Variants in RAB37 observed in about 807,000 individuals in gnomAD.
The protein encoded by RAB37 is RAB37, member RAS oncogene family, also known as ras-related protein Rab-37.
A neutral mutation model predicts 33.1 loss-of-function variants in RAB37; 29 were observed. The observed-to-expected ratio is 0.88, with a 90% confidence interval of 0.65 to 1.20. The LOEUF (loss-of-function observed/expected upper bound fraction) is 1.20. RAB37 is among the 50% of genes most tolerant of loss of function. RAB37 has a pLI of 0.00. For synonymous variants in RAB37, 128 were observed against 119.5 expected, an observed-to-expected ratio of 1.07 and a Z score of -0.47; for missense variants, 299 against 301.1, an observed-to-expected ratio of 0.99 and a Z score of 0.05.
At chr17:74,719,801 G>C (rs557294075) in intron 1 of RAB37, among the ~76,000 whole-genome samples, 97 of 152,284 alleles carry the variant, frequency 6.4e-4, no homozygotes, top group African/African-American at 2.2e-3. Context: ...ACAAGTGTGA[G>C]CCACTGTACC....
rs752929825 is a variant in RAB37, at chr17:74,738,569, G to A, written c.93+1204G>A. 5.3e-5 allele frequency among the ~76,000 whole-genome samples: 8 copies of A among 152,316 alleles called. No individual in the cohort carries two copies. The East Asian group carries it at 7.7e-4, about 15-fold the overall frequency. ...CCGAGCTGGGTGGGTAGCTGGCATC[G>A]TTTGCTCAAGGCAGCTGTGATCTGT... On this transcript the variant is annotated intron_variant, in intron 1 of 8. Transcript: ENST00000392613. This position sits in a 1 kb window ranked among gnomAD's most constrained non-coding sequence, Gnocchi z 5.0.
At chr17:74,699,774 T>C (rs2032864255) in intron 1 of RAB37, among the ~76,000 whole-genome samples, 1 of 152,106 alleles carries the variant, frequency 6.6e-6, no homozygotes, top group Non-Finnish European at 1.5e-5. Context: ...CAGGCCCTAC[T>C]GTAGTGGATC....
chr17:74,732,153 C>T (rs1464152852), intron 2 of RAB37, among the ~76,000 whole-genome samples: 2 of 152,186 alleles, frequency 1.3e-5, no homozygotes, highest in South Asian at 2.1e-4. Flanking sequence ...CAGTGGTTTT[C>T]GAACACTCCT....
intron 1 of RAB37, among the ~76,000 whole-genome samples, chr17:74,690,861 C>T (rs770007787): frequency 3.3e-5 from 5 of 152,212 alleles, no homozygotes; most frequent in Non-Finnish European, 5.9e-5. Context: ...GCCACCAATT[C>T]AGAGGGCTAG....
chr17:74,699,581 A>C (rs1169519564), intron 1 of RAB37, among the ~76,000 whole-genome samples: 1 of 152,050 alleles, frequency 6.6e-6, no homozygotes, highest in Non-Finnish European at 1.5e-5. Context: ...GACCGGGAAC[A>C]CAAAGGATCG....
Position 74,704,790 on chromosome 17 carries a change from C to T in RAB37, c.73-24466C>T, listed in dbSNP as rs759901422. The T allele has an allele frequency of 2.0e-5, 32 of 1,613,276 alleles. No individual in the cohort carries two copies. The highest frequency in any genetic ancestry group is 1.6e-4 in the Middle Eastern group (1 of 6,078). On this transcript the variant is annotated intron_variant, in intron 1 of 7. Coordinates refer to the RAB37 transcript ENST00000340415. ...TCCAAGCCATTCACTGTTGTTGGAC[C>T]GGTGATTTGAGTGACAATGGAGTAG...
intron 1 of RAB37, among the ~76,000 whole-genome samples, chr17:74,725,960 G>A (rs574749842): frequency 1.3e-5 from 2 of 152,070 alleles, no homozygotes; most frequent in South Asian, 4.2e-4. Flanking sequence ...GACCTAGCAG[G>A]GCATTGTGGC....
chr17:74,723,100 GC>G (rs2034262602), intron 1 of RAB37, among the ~76,000 whole-genome samples: 1 of 152,160 alleles, frequency 6.6e-6, no homozygotes, highest in South Asian at 2.1e-4. Context: ...TGCGTCTTCC[GC>G]AAAGTTGCAA....
At position 74,745,085 on chromosome 17, in the gene RAB37, G is replaced by A. The variant is rs769242394; in HGVS notation, c.566+1G>A. On this transcript the variant is annotated splice_donor_variant, in intron 8 of 8. Transcript: ENST00000392613. LOFTEE classifies it high-confidence loss of function. The surrounding 1 kb of genome is among the most constrained non-coding windows in gnomAD (Gnocchi z 4.5). Reference sequence around the variant, plus strand: ...AGTTAGCCTTTCTGGCCATCGCCAAGTGAGAGCTGGGCAGGGAAGGGAAGT... The same window carrying A: ...AGTTAGCCTTTCTGGCCATCGCCAAATGAGAGCTGGGCAGGGAAGGGAAGT... 3.1e-6 allele frequency: 5 copies of A among 1,613,948 alleles called. No individual in the cohort carries two copies. The highest frequency in any genetic ancestry group is 1.1e-5 in the South Asian group (1 of 91,082).
chr17:74,682,490 C>G (rs1483574531), intron 1 of RAB37, among the ~76,000 whole-genome samples: 1 of 152,210 alleles, frequency 6.6e-6, no homozygotes, highest in Non-Finnish European at 1.5e-5. Flanking sequence ...GAAATTGCCA[C>G]ATGCCCACCC....
At chr17:74,726,240 A>G (rs2034305779) in intron 1 of RAB37, among the ~76,000 whole-genome samples, 1 of 151,498 alleles carries the variant, frequency 6.6e-6, no homozygotes, top group South Asian at 2.1e-4. Context: ...GCCTAAAAAA[A>G]AAAAAAAAAA....
In RAB37 at chr17:74,745,183, C is replaced by T; in HGVS notation, c.566+99C>T. On this transcript the variant is annotated intron_variant, in intron 8 of 8. Coordinates refer to ENST00000392613, the MANE Select transcript of RAB37 (RefSeq NM_001006638.3). The surrounding 1 kb of genome is among the most constrained non-coding windows in gnomAD (Gnocchi z 4.5). Reference sequence around the variant, plus strand: ...CTGGCCCAGCCCCTGGACACACCTGCATTCTGCAGGCTGAGGTCCATTTGC... The same window carrying T: ...CTGGCCCAGCCCCTGGACACACCTGTATTCTGCAGGCTGAGGTCCATTTGC... The T allele has an allele frequency of 6.5e-7, 1 of 1,537,722 alleles. No individual in the cohort carries two copies. Among genetic ancestry groups the T allele is most frequent in the Admixed American group, 1.7e-5 (1 of 59,148 alleles).
chr17:74,741,607 C>G (rs1363844727), intron 2 of RAB37, among the ~76,000 whole-genome samples: 1 of 131,888 alleles, frequency 7.6e-6, no homozygotes, highest in Non-Finnish European at 1.5e-5. Flanking sequence ...AAAAAAAGAG[C>G]TGGGCTGGCC....
rs1390312566 is a variant in RAB37, at chr17:74,745,588, C to T, written c.*177C>T. 3.4e-5 allele frequency: 20 copies of T among 595,034 alleles called. No individual in the cohort carries two copies. Among genetic ancestry groups the T allele is most frequent in the Admixed American group, 2.1e-4 (7 of 33,060 alleles). The allele number at this position is 595,034 out of a possible 1,614,324, so 36.9% of individuals were successfully genotyped here. ...CCTACTTGAGTTCCTGCGGTCTCCCCGCATCCACAGGGAGGGTAAAACACT... is the reference window on the plus strand; with the variant it reads ...CCTACTTGAGTTCCTGCGGTCTCCCTGCATCCACAGGGAGGGTAAAACACT... On this transcript the variant is annotated 3_prime_UTR_variant, in exon 9 of 9. Coordinates refer to ENST00000392613, the MANE Select transcript of RAB37 (RefSeq NM_001006638.3). The surrounding 1 kb of genome is among the most constrained non-coding windows in gnomAD (Gnocchi z 4.5).
At chr17:74,734,027 G>A (rs1253810112), upstream of RAB37, among the ~76,000 whole-genome samples, 4 of 152,102 alleles carry the variant, frequency 2.6e-5, no homozygotes, top group Non-Finnish European at 5.9e-5. Flanking sequence ...TGGATGATTC[G>A]TGCTAATGTT....
intron 1 of RAB37, chr17:74,712,709 C>T (rs898375564): frequency 1.9e-6 from 2 of 1,054,270 alleles, no homozygotes; most frequent in African/African-American, 1.6e-5. Context: ...GTGGATGAAA[C>T]GCACAAGGCT....
chr17:74,715,019 G>A (rs1223014301), intron 1 of RAB37, among the ~76,000 whole-genome samples: 1 of 152,224 alleles, frequency 6.6e-6, no homozygotes, highest in East Asian at 1.9e-4. Context: ...CTACTCAGGA[G>A]GCTGAAGCAG....
At chr17:74,687,372 C>T (rs1053912908) in intron 1 of RAB37, among the ~76,000 whole-genome samples, 18 of 151,932 alleles carry the variant, frequency 1.2e-4, no homozygotes, top group South Asian at 8.3e-4. Context: ...TACAGGGGCC[C>T]GCCACCACAC....
intron 1 of RAB37, among the ~76,000 whole-genome samples, chr17:74,682,320 CTCTCTG>C (rs1358359298): frequency 6.6e-6 from 1 of 151,086 alleles, no homozygotes; most frequent in African/African-American, 2.5e-5. Context: ...TTCGGCCTCA[CTCTCTG>C]TCTCTCTCTC....
Sources: gnomAD v4.1 joint callset for allele counts (sites outside exome capture counted in the v4.1 genomes callset) on GRCh38, gnomAD v4.1.1 for gene constraint, Gnocchi (gnomAD v3.1) non-coding constraint, MANE v1.5 for transcripts, NCBI Gene and HGNC (gene_info 2026-07-23, HGNC 2026-07-21) for gene names.